TATDN1: variants seen among roughly 807,000 people sequenced by gnomAD.
TATDN1 encodes deoxyribonuclease TATDN1.
Under a neutral mutation model 46.4 loss-of-function variants are expected in TATDN1, and 40 were observed. The observed-to-expected ratio is 0.86, with a 90% confidence interval of 0.67 to 1.12. The LOEUF (loss-of-function observed/expected upper bound fraction) is 1.12. TATDN1 is among the 50% of genes most tolerant of loss of function. The pLI is 0.00. For synonymous variants in TATDN1, 95 were observed against 105.6 expected, an observed-to-expected ratio of 0.90 and a Z score of 0.62; for missense variants, 326 against 348.4, an observed-to-expected ratio of 0.94 and a Z score of 0.51.
intron 4 of TATDN1, among the ~76,000 whole-genome samples, chr8:124,517,724 G>A (rs1819607863): frequency 6.6e-6 from 1 of 152,102 alleles, no homozygotes; most frequent in Admixed American, 6.5e-5. Flanking sequence ...AATGCAAAAT[G>A]TATGAACATA....
intron 9 of TATDN1, among the ~76,000 whole-genome samples, chr8:124,500,577 G>A (rs1586578508): frequency 6.6e-6 from 1 of 151,992 alleles, no homozygotes; most frequent in Admixed American, 6.6e-5. Flanking sequence ...CATGGTGATA[G>A]GAGCTTGTGG....
At chr8:124,490,305 T>C (rs1170569676) in intron 11 of TATDN1, 1 of 151,952 alleles carries the variant, frequency 6.6e-6, no homozygotes, top group African/African-American at 2.4e-5. Flanking sequence ...AACTCAAGAG[T>C]TCGAGACCAG....
At chr8:124,530,884 T>C (rs993794900) in intron 1 of TATDN1, among the ~76,000 whole-genome samples, 26 of 152,146 alleles carry the variant, frequency 1.7e-4, no homozygotes, top group African/African-American at 6.3e-4. Flanking sequence ...AAGATGAGGC[T>C]CTGGTTAACT....
intron 9 of TATDN1, among the ~76,000 whole-genome samples, chr8:124,500,701 T>C (rs1333461239): frequency 5.4e-5 from 8 of 147,924 alleles, no homozygotes; most frequent in Admixed American, 1.3e-4. Flanking sequence ...AAACAACAAC[T>C]AAGAATTATG....
chr8:124,504,196 C>A, intron 9 of TATDN1, 75 bp downstream of exon 9: 1 of 1,059,772 alleles, frequency 9.4e-7, no homozygotes. Context: ...AAATCTTCAT[C>A]AGCAATTCAC....
chr8:124,514,151 C>T (rs1014415447), intron 6 of TATDN1, among the ~76,000 whole-genome samples: 1 of 152,170 alleles, frequency 6.6e-6, no homozygotes, highest in African/African-American at 2.4e-5. Flanking sequence ...GATCTTCACA[C>T]TTCAGAACTT....
intron 4 of TATDN1, among the ~76,000 whole-genome samples, chr8:124,517,886 G>A (rs553879136): frequency 1.3e-5 from 2 of 152,066 alleles, no homozygotes; most frequent in Admixed American, 6.6e-5. Flanking sequence ...TCTTAAACAC[G>A]TTAAAACACA....
At chr8:124,533,424 G>C (rs548097838) in intron 1 of TATDN1, among the ~76,000 whole-genome samples, 1 of 152,108 alleles carries the variant, frequency 6.6e-6, no homozygotes, top group Non-Finnish European at 1.5e-5. Context: ...ACAACGAGAG[G>C]GGATCCCAGG....
chr8:124,526,164 G>C (rs1301001091), intron 1 of TATDN1, among the ~76,000 whole-genome samples: 1 of 152,148 alleles, frequency 6.6e-6, no homozygotes, highest in Non-Finnish European at 1.5e-5. Context: ...AACCATTTTT[G>C]TAACCGCGCC....
intron 6 of TATDN1, among the ~76,000 whole-genome samples, chr8:124,513,073 C>A (rs1162506874): frequency 2.6e-5 from 4 of 152,076 alleles, no homozygotes; most frequent in Non-Finnish European, 5.9e-5. Flanking sequence ...CGCCACCACG[C>A]CTGGCTAGTT....
intron 6 of TATDN1, among the ~76,000 whole-genome samples, chr8:124,509,651 TATC>T (rs1237238964): frequency 6.6e-6 from 1 of 152,248 alleles, no homozygotes; most frequent in Non-Finnish European, 1.5e-5. Context: ...TATTTTTCTA[TATC>T]ATATTTCCTG....
chr8:124,505,990 T>C (rs910780814), intron 8 of TATDN1, among the ~76,000 whole-genome samples: 10 of 151,964 alleles, frequency 6.6e-5, no homozygotes, highest in Admixed American at 4.6e-4. Flanking sequence ...GTTGGATTTG[T>C]TGTTGCTTTT....
Position 124,539,057 on chromosome 8 carries a change from G to T in TATDN1, c.-11C>A, listed in dbSNP as rs1821781425. ...CTTGAAGCGACTCATGACTGCGCATGGAGGACCTCCCCAGCGGAAGCGGAA... is the reference window on the plus strand; with the variant it reads ...CTTGAAGCGACTCATGACTGCGCATTGAGGACCTCCCCAGCGGAAGCGGAA... On this transcript the variant is annotated 5_prime_UTR_variant, in exon 1 of 12. Coordinates refer to ENST00000276692, the MANE Select transcript of TATDN1 (RefSeq NM_032026.4). 1 of 1,613,146 alleles carries T rather than the reference G, an allele frequency of 6.2e-7. No homozygotes were observed. The highest frequency in any genetic ancestry group is 8.5e-7 in the Non-Finnish European group (1 of 1,179,134).
At chr8:124,495,335 A>G in intron 10 of TATDN1, 137 bp downstream of exon 10, 1 of 677,120 alleles carries the variant, frequency 1.5e-6, no homozygotes. Flanking sequence ...GATCTTCTGG[A>G]AAACATAATT....
chr8:124,511,714 T>G (rs1019692077), intron 6 of TATDN1, among the ~76,000 whole-genome samples: 1 of 151,744 alleles, frequency 6.6e-6, no homozygotes, highest in Non-Finnish European at 1.5e-5. Flanking sequence ...GAAAAAAGTA[T>G]TAAAAAAAAA....
At chr8:124,536,891 TTC>T (rs1639573049) in intron 1 of TATDN1, among the ~76,000 whole-genome samples, 3 of 152,212 alleles carry the variant, frequency 2.0e-5, no homozygotes, top group East Asian at 1.9e-4. Context: ...ATGATCTCAT[TTC>T]TGTTTCAAAA....
chr8:124,516,046 G>A lies in TATDN1; in HGVS notation c.203-16C>T. 3 of 1,566,450 alleles carry A rather than the reference G, an allele frequency of 1.9e-6. No homozygotes were observed. The highest frequency in any genetic ancestry group is 2.6e-6 in the Non-Finnish European group (3 of 1,157,608). ...AAAAACATACCTAACAGAAAATAAT[G>A]TCTTAGGATTATTTTCAAAGTATTT... On this transcript the variant is annotated splice_polypyrimidine_tract_variant and intron_variant, in intron 4 of 11. Transcript: ENST00000276692.
At position 124,518,848 on chromosome 8, in the gene TATDN1, T is replaced by C. The variant is rs1819781120; in HGVS notation, c.172A>G (p.Lys58Glu). The change falls in exon 4 of 12, where the codon AAA (lysine) becomes GAA (glutamate). Residue 58 changes from lysine (K) to glutamate (E), a missense_variant. Lys to Glu is a moderately conservative substitution (Grantham distance 56). Transcript: ENST00000276692. ...GTTTGTGCCAAATGCAGTGCATCTT[T>C]ACTGTCTTGTAGATTTCCACCTGTA... is the stretch of plus-strand genomic sequence containing the variant. Reference protein sequence around the residue: ...MITGGNLQDSKDALHLAQTNG... With the variant: ...MITGGNLQDSEDALHLAQTNG... The C allele has an allele frequency of 1.9e-6, 3 of 1,612,058 alleles. No homozygotes were observed. Among genetic ancestry groups the C allele is most frequent in the Non-Finnish European group, 2.5e-6 (3 of 1,178,584 alleles).
At chr8:124,509,352 C>T (rs1818807423) in intron 6 of TATDN1, among the ~76,000 whole-genome samples, 1 of 152,200 alleles carries the variant, frequency 6.6e-6, no homozygotes, top group Non-Finnish European at 1.5e-5. Flanking sequence ...TGGAACAGAA[C>T]TTCACTGCTC....
Sources: gnomAD v4.1 joint callset for allele counts (sites outside exome capture counted in the v4.1 genomes callset) on GRCh38, gnomAD v4.1.1 for gene constraint, MANE v1.5 for transcripts, NCBI Gene and HGNC (gene_info 2026-07-23, HGNC 2026-07-21) for gene names.